C4orf50: variants seen among roughly 807,000 people sequenced by gnomAD.
The protein encoded by C4orf50 is chromosome 4 open reading frame 50.
In C4orf50, 80 loss-of-function variants were observed where a neutral mutation model predicts 77.2. The ratio of observed to expected loss-of-function variants is 1.04; its 90% CI spans 0.87 to 1.25. The LOEUF (loss-of-function observed/expected upper bound fraction) is 1.25. Among genes scored for constraint, C4orf50 ranks in the 50% most tolerant of loss-of-function variants. The pLI is 0.00. For missense variants in C4orf50, 1,257 were observed against 1,152.9 expected (o/e 1.09, Z -1.31); for synonymous variants, 532 against 465.3 (o/e 1.14, Z -1.84).
chr4:5,972,090 C>T (rs1273404269), intron 31 of C4orf50, among the ~76,000 whole-genome samples: 7 of 150,214 alleles, frequency 4.7e-5, no homozygotes, highest in Admixed American at 6.6e-5. Flanking sequence ...CTGCAACCTC[C>T]ACTTCCCGGG....
intron 7 of C4orf50, among the ~76,000 whole-genome samples, chr4:5,914,999 G>T (rs1716971414): frequency 6.6e-6 from 1 of 152,122 alleles, no homozygotes; most frequent in Non-Finnish European, 1.5e-5. Flanking sequence ...CCAATGAGTA[G>T]CTCAGAAAGT....
chr4:5,975,812 A>T lies in C4orf50; in HGVS notation c.3921+87T>A, dbSNP rs938006472. The T allele has an allele frequency of 2.9e-6, 3 of 1,045,172 alleles. No individual in the cohort carries two copies. The African/African-American group carries it at 4.7e-5, about 16-fold the overall frequency. The allele number at this position is 1,045,172 out of a possible 1,614,324, so 64.7% of individuals were successfully genotyped here. A position where few individuals can be genotyped will look rare whatever the true frequency, so the allele number is the denominator to read the frequency against. ...CCCTACCCAGACTTTTATACAATAG[A>T]GGTGGATTACATGTCTAACAGGAAA... On this transcript the variant is annotated intron_variant, in intron 30 of 33. Transcript: ENST00000531445.
At position 5,973,668 on chromosome 4, in the gene C4orf50, TCCCGGAG is replaced by T. The variant is rs771472619; in HGVS notation, c.4088_4094del (p.Ala1363GlufsTer15). 1 of 1,612,126 alleles carries T rather than the reference TCCCGGAG, an allele frequency of 6.2e-7. No homozygotes were observed. Among genetic ancestry groups the T allele is most frequent in the Non-Finnish European group, 8.5e-7 (1 of 1,178,938 alleles). ...ATCTCTGGGACTCTACCTCTGGGACTCCCGGAGCCAGGAAGGTGGCCGTGTACTCAGC... is the reference window on the plus strand; with the variant it reads ...ATCTCTGGGACTCTACCTCTGGGACTCCAGGAAGGTGGCCGTGTACTCAGC... On this transcript the variant is annotated frameshift_variant, in exon 31 of 34. Transcript: ENST00000531445. LOFTEE classifies it high-confidence loss of function.
In C4orf50 at chr4:6,018,353, T is replaced by C. The variant is rs1283144574; in HGVS notation, c.79A>G (p.Ile27Val). The C allele has an allele frequency of 1.0e-5, 4 of 398,942 alleles. 1 individual carries two copies. Among genetic ancestry groups the C allele is most frequent in the African/African-American group, 8.2e-5 (4 of 48,622 alleles). 24.7% of individuals were successfully genotyped at this position (398,942 alleles called of 1,614,324 possible). The stretch of plus-strand genomic sequence containing the variant: ...TCAATCTTCACATCAACGTTCATTA[T>C]GTCGAACCCCTCACTGCTGGGGGCT... The change falls in exon 23 of 34, where the codon ATA (isoleucine) becomes GTA (valine). Residue 27 changes from isoleucine (I) to valine (V), a missense_variant. Transcript: ENST00000531445. The surrounding 1 kb of genome is among the most constrained non-coding windows in gnomAD (Gnocchi z 5.1).
intron 33 of C4orf50, among the ~76,000 whole-genome samples, chr4:5,959,931 G>A (rs4295205): frequency 0.021 from 3,167 of 152,224 alleles, 83 homozygotes; most frequent in African/African-American, 0.066. Context: ...CCTGTAGAGT[G>A]GATATCCTCT....
intron 33 of C4orf50, among the ~76,000 whole-genome samples, chr4:5,959,951 C>T (rs1221638080): frequency 6.6e-6 from 1 of 152,146 alleles, no homozygotes; most frequent in African/African-American, 2.4e-5. Context: ...TATAAATTTT[C>T]TCCTTCCCGG....
At chr4:5,937,994 A>G (rs573644823) in intron 7 of C4orf50, among the ~76,000 whole-genome samples, 2 of 152,352 alleles carry the variant, frequency 1.3e-5, no homozygotes, top group South Asian at 4.1e-4. Context: ...CATCTTCCTC[A>G]GAACTTGACA....
intron 29 of C4orf50, 31 bp downstream of exon 7, chr4:5,980,143 G>A (rs1356504575): frequency 5.8e-6 from 9 of 1,539,864 alleles, no homozygotes; most frequent in African/African-American, 2.8e-5. Context: ...AGCCCTGGCT[G>A]ACAAGAGGGG....
At chr4:5,959,592 C>G (rs772565690) in exon 34 of C4orf50, 1 of 1,614,098 alleles carries the variant, frequency 6.2e-7, no homozygotes, top group South Asian at 1.1e-5. Context: ...CAGGCACGTT[C>G]CAGGATCAAG....
intron 25 of C4orf50, among the ~76,000 whole-genome samples, chr4:6,003,603 A>ATGG (rs1181443488): frequency 1.7e-5 from 1 of 59,564 alleles, no homozygotes; most frequent in Non-Finnish European, 3.1e-5. Context: ...GATGGTGGTG[A>ATGG]TGGTGATGAT....
chr4:5,906,255 A>T (rs1040461160), intron 7 of C4orf50, among the ~76,000 whole-genome samples: 3 of 152,050 alleles, frequency 2.0e-5, no homozygotes, highest in Non-Finnish European at 2.9e-5. Flanking sequence ...CAGACATGGT[A>T]AGGACTCAAA....
intron 7 of C4orf50, among the ~76,000 whole-genome samples, chr4:5,926,374 G>T (rs1005674049): frequency 6.6e-6 from 1 of 152,172 alleles, no homozygotes; most frequent in African/African-American, 2.4e-5. Flanking sequence ...CCCACGAAGG[G>T]CCCAGAGCAG....
chr4:5,921,692 G>A (rs1717281229), intron 7 of C4orf50, among the ~76,000 whole-genome samples: 1 of 152,110 alleles, frequency 6.6e-6, no homozygotes, highest in Non-Finnish European at 1.5e-5. Flanking sequence ...CACTCGAGAG[G>A]GTGGAAAGCT....
chr4:5,959,045 G>A (rs1719125413), exon 34 of C4orf50: 1 of 239,398 alleles, frequency 4.2e-6, no homozygotes, highest in Middle Eastern at 1.5e-3. Flanking sequence ...AACCAAAAAT[G>A]TCTCCAGACA....
chr4:5,903,981 A>G (rs1716440903), intron 7 of C4orf50: 1 of 152,168 alleles, frequency 6.6e-6, no homozygotes, highest in African/African-American at 2.4e-5. Flanking sequence ...CTGTAATGTG[A>G]TATGGGGCCT....
exon 28 of C4orf50, chr4:5,988,714 T>C (rs773519187): frequency 8.5e-6 from 13 of 1,536,012 alleles, no homozygotes; most frequent in African/African-American, 1.4e-5. Flanking sequence ...CAAACGCCCC[T>C]GATCCGTGCT....
chr4:5,917,406 C>CTTTTTTTTTT (rs34928524), intron 7 of C4orf50, among the ~76,000 whole-genome samples: 6 of 86,402 alleles, frequency 6.9e-5, no homozygotes, highest in Non-Finnish European at 7.2e-5. Flanking sequence ...TCCTGTATTT[C>CTTTTTTTTTT]TTTTTTTTTT....
chr4:6,018,014 G>C lies in C4orf50; in HGVS notation c.287+131C>G. ...AGGAGCAGAAGGCAAGTGACTGCGT[G>C]GGCAGGTTACGTGTCTTTGGTGAGC... is the stretch of plus-strand genomic sequence containing the variant. On this transcript the variant is annotated intron_variant, in intron 23 of 33. Transcript: ENST00000531445. This position sits in a 1 kb window ranked among gnomAD's most constrained non-coding sequence, Gnocchi z 5.1. The C allele has an allele frequency of 2.5e-6, 1 of 397,242 alleles. No individual in the cohort carries two copies. The highest frequency in any genetic ancestry group is 4.4e-6 in the Non-Finnish European group (1 of 225,740). 24.6% of individuals were successfully genotyped at this position (397,242 alleles called of 1,614,324 possible).
intron 7 of C4orf50, among the ~76,000 whole-genome samples, chr4:5,933,900 G>A (rs1560549321): frequency 6.6e-6 from 1 of 152,136 alleles, no homozygotes; most frequent in Non-Finnish European, 1.5e-5. Context: ...GAGAGGAGTG[G>A]GAGGAGGAGG....
Sources: allele counts gnomAD v4.1 joint callset (sites outside exome capture counted in the v4.1 genomes callset), GRCh38; gene constraint gnomAD v4.1.1; non-coding constraint Gnocchi (gnomAD v3.1); transcripts MANE v1.5; gene names NCBI Gene and HGNC (gene_info 2026-07-23, HGNC 2026-07-21).